Variants in KCNQ1 observed in about 807,000 individuals in gnomAD.
The protein encoded by KCNQ1 is potassium voltage-gated channel subfamily Q member 1.
A neutral mutation model predicts 72.4 loss-of-function variants in KCNQ1; 49 were observed. The ratio of observed to expected loss-of-function variants is 0.68; its 90% confidence interval spans 0.54 to 0.86. KCNQ1 has a LOEUF of 0.86. Ranked by LOEUF, KCNQ1 falls within the 40% of genes least tolerant of loss-of-function variation. KCNQ1 has a pLI of 0.00. For missense variants in KCNQ1, 790 were observed against 945.1 expected (o/e 0.84, Z 2.15); for synonymous variants, 450 against 412.6 (o/e 1.09, Z -1.10).
Position 2,772,629 on chromosome 11 carries a change from C to T in KCNQ1, c.1591-3331C>T, listed in dbSNP as rs1846621471. On this transcript the variant is annotated intron_variant, in intron 12 of 15. Coordinates refer to ENST00000155840, the MANE Select transcript of KCNQ1 (RefSeq NM_000218.3). The surrounding 1 kb of genome is among the most constrained non-coding windows in gnomAD (Gnocchi z 6.6). Reference sequence around the variant, plus strand: ...GAGCCTTCTTGGGCTATGCCCTACACCAGGTAAGGCTGTGGCTGAAGGTGC... The same window carrying T: ...GAGCCTTCTTGGGCTATGCCCTACATCAGGTAAGGCTGTGGCTGAAGGTGC... Among the ~76,000 whole-genome samples, 1 of 152,180 alleles carries T rather than the reference C, an allele frequency of 6.6e-6. No homozygotes were observed. The highest frequency in any genetic ancestry group is 1.5e-5 in the Non-Finnish European group (1 of 68,036).
At position 2,674,349 on chromosome 11, in the gene KCNQ1, C is replaced by T. The variant is rs1850248686; in HGVS notation, c.1514+12268C>T. Reference sequence around the variant, plus strand: ...ACCCTCTGGAAATCTGAATTCCATTCGCTCTTGGCAAAGAGCAGCTTCCTG... The same window carrying T: ...ACCCTCTGGAAATCTGAATTCCATTTGCTCTTGGCAAAGAGCAGCTTCCTG... On this transcript the variant is annotated intron_variant, in intron 11 of 15. Coordinates refer to ENST00000155840, the MANE Select transcript of KCNQ1 (RefSeq NM_000218.3). The surrounding 1 kb of genome is among the most constrained non-coding windows in gnomAD (Gnocchi z 5.9). The T allele has an allele frequency of 2.5e-6, 1 of 397,644 alleles. No homozygotes were observed. Among genetic ancestry groups the T allele is most frequent in the South Asian group, 1.3e-4 (1 of 7,764 alleles). The allele number at this position is 397,644 out of a possible 1,614,324, so 24.6% of individuals were successfully genotyped here.
At chr11:2,648,114 A>G (rs1218936165) in intron 10 of KCNQ1, 1 of 199,128 alleles carries the variant, frequency 5.0e-6, no homozygotes, top group South Asian at 2.1e-4. Context: ...CTGAGGCAGG[A>G]GGATTGCTTG....
At chr11:2,528,777 C>A (rs1377972112) in intron 2 of KCNQ1, among the ~76,000 whole-genome samples, 1 of 152,224 alleles carries the variant, frequency 6.6e-6, no homozygotes, top group African/African-American at 2.4e-5. Flanking sequence ...GACTCAGCTC[C>A]CGGCATGCAC....
In KCNQ1 at chr11:2,482,919, G is replaced by C. The variant is rs1846675488; in HGVS notation, c.386+37435G>C. 6.6e-6 allele frequency among the ~76,000 whole-genome samples: 1 copy of C among 152,198 alleles called. No homozygotes were observed. Among genetic ancestry groups the C allele is most frequent in the South Asian group, 2.1e-4 (1 of 4,824 alleles). ...GAAGTGACCTGCAAGAGAATGGAGA[G>C]AGTCATGGACCGGCATGGCGTGGTA... On this transcript the variant is annotated intron_variant, in intron 1 of 15. Coordinates refer to ENST00000155840, the MANE Select transcript of KCNQ1 (RefSeq NM_000218.3). The surrounding 1 kb of genome is among the most constrained non-coding windows in gnomAD (Gnocchi z 5.7).
chr11:2,523,005 C>A (rs1276552628), intron 1 of KCNQ1, among the ~76,000 whole-genome samples: 2 of 152,302 alleles, frequency 1.3e-5, no homozygotes, highest in Middle Eastern at 3.4e-3. Flanking sequence ...ATATCTGAGC[C>A]AGCTGTGTCT....
chr11:2,764,126 G>A lies in KCNQ1; in HGVS notation c.1515-4718G>A, dbSNP rs1236427726. ...CTTGCCTTGCTTCCTGTCTCAGGAG[G>A]AAAGCGTATCACATTTCACTATTAA... On this transcript the variant is annotated intron_variant, in intron 11 of 15. Transcript: ENST00000155840. The surrounding 1 kb of genome is among the most constrained non-coding windows in gnomAD (Gnocchi z 4.8). 2.6e-5 allele frequency among the ~76,000 whole-genome samples: 4 copies of A among 152,070 alleles called. No homozygotes were observed. In the East Asian group the frequency reaches 5.8e-4, roughly 22 times the overall value.
At chr11:2,681,422 T>C in intron 11 of KCNQ1, 1 of 398,486 alleles carries the variant, frequency 2.5e-6, no homozygotes, top group Middle Eastern at 6.3e-4. Context: ...GGGATCCCTG[T>C]GACAGCTCTA....
rs1191204672 is a variant in KCNQ1 at position 2,661,398 on chromosome 11, G to A, written c.1394-563G>A. ...TCATAATGTGAAGCCAGCTGTTGGAGGGACTCCTGTGCCTCATTGGGGGTA... is the reference window on the plus strand; with the variant it reads ...TCATAATGTGAAGCCAGCTGTTGGAAGGACTCCTGTGCCTCATTGGGGGTA... On this transcript the variant is annotated intron_variant, in intron 10 of 15. Transcript: ENST00000155840. The surrounding 1 kb of genome is among the most constrained non-coding windows in gnomAD (Gnocchi z 5.9). The A allele has an allele frequency of 2.4e-6, 1 of 409,892 alleles. No homozygotes were observed. The highest frequency in any genetic ancestry group is 3.5e-5 in the East Asian group (1 of 28,752). 25.4% of individuals were successfully genotyped at this position (409,892 alleles called of 1,614,324 possible). A position where few individuals can be genotyped will look rare whatever the true frequency, so the allele number is the denominator to read the frequency against.
Position 2,677,298 on chromosome 11 carries a change from T to C in KCNQ1, c.1514+15217T>C. 1 of 398,614 alleles carries C rather than the reference T, an allele frequency of 2.5e-6. No homozygotes were observed. Among genetic ancestry groups the C allele is most frequent in the Admixed American group, 4.4e-5 (1 of 22,740 alleles). 24.7% of individuals were successfully genotyped at this position (398,614 alleles called of 1,614,324 possible). On this transcript the variant is annotated intron_variant, in intron 11 of 15. Transcript: ENST00000155840. The surrounding 1 kb of genome is among the most constrained non-coding windows in gnomAD (Gnocchi z 4.5). ...GTAAATCTTGTCAAAATAGGAGATT[T>C]CATCAAGTTAAAGAAAATGATGTCA... is the stretch of plus-strand genomic sequence containing the variant.
chr11:2,694,850 A>G (rs1434411236), intron 11 of KCNQ1: 5 of 398,568 alleles, frequency 1.3e-5, no homozygotes, highest in African/African-American at 1.0e-4. Flanking sequence ...GGTCAGAGCA[A>G]AATTTCCTGT....
At position 2,682,925 on chromosome 11, in the gene KCNQ1, T is replaced by C. The variant is rs60837062; in HGVS notation, c.1514+20844T>C. The C allele has an allele frequency of 0.02, 7,992 of 398,566 alleles. 188 individuals are homozygous for C. The highest frequency in any genetic ancestry group is 0.063 in the South Asian group (491 of 7,844). The allele number at this position is 398,566 out of a possible 1,614,324, so 24.7% of individuals were successfully genotyped here. A position where few individuals can be genotyped will look rare whatever the true frequency, so the allele number is the denominator to read the frequency against. The stretch of plus-strand genomic sequence containing the variant: ...AAAATGGTGGCACCTGGAGAGGTGC[T>C]CAGGTCTGTGTGGAAGAAAGGACAG... On this transcript the variant is annotated intron_variant, in intron 11 of 15. Coordinates refer to ENST00000155840, the MANE Select transcript of KCNQ1 (RefSeq NM_000218.3). The surrounding 1 kb of genome is among the most constrained non-coding windows in gnomAD (Gnocchi z 5.8).
At chr11:2,469,873 C>T (rs968910069) in intron 1 of KCNQ1, among the ~76,000 whole-genome samples, 2 of 150,014 alleles carry the variant, frequency 1.3e-5, no homozygotes, top group South Asian at 4.2e-4. Context: ...AGGGTTTCAC[C>T]GTGGTCTCCA....
Position 2,781,074 on chromosome 11 carries a change from C to T in KCNQ1, c.1794+3037C>T, listed in dbSNP as rs1299684982. 2.6e-5 allele frequency among the ~76,000 whole-genome samples: 4 copies of T among 152,138 alleles called. No individual in the cohort carries two copies. Among genetic ancestry groups the T allele is most frequent in the Non-Finnish European group, 1.5e-5 (1 of 68,028 alleles). ...CAGCGAGTCTACTTCCTGCGGGCCT[C>T]CCTCCCCTGTCAAATGAGAGGGTTT... On this transcript the variant is annotated intron_variant, in intron 15 of 15. Transcript: ENST00000155840. The surrounding 1 kb of genome is among the most constrained non-coding windows in gnomAD (Gnocchi z 6.6).
chr11:2,773,003 C>A (rs187708372), intron 12 of KCNQ1, among the ~76,000 whole-genome samples: 28 of 152,336 alleles, frequency 1.8e-4, no homozygotes, highest in Admixed American at 9.1e-4. Flanking sequence ...CTGGCTGTGA[C>A]TCTGGCTCTG....
At chr11:2,778,920 C>T (rs537955852) in intron 15 of KCNQ1, among the ~76,000 whole-genome samples, 15 of 152,014 alleles carry the variant, frequency 9.9e-5, no homozygotes, top group Non-Finnish European at 1.5e-4. Flanking sequence ...CTGCCCCACC[C>T]GTCCTGGCCC....
chr11:2,573,732 C>T (rs565730961), intron 6 of KCNQ1, among the ~76,000 whole-genome samples: 3 of 152,332 alleles, frequency 2.0e-5, no homozygotes, highest in African/African-American at 7.2e-5. Flanking sequence ...CACCGAGCCA[C>T]CCAAAGCTCA....
rs916091873 is a variant in KCNQ1 at position 2,712,578 on chromosome 11, C to T, written c.1514+50497C>T. Among the ~76,000 whole-genome samples, 5 of 152,192 alleles carry T rather than the reference C, an allele frequency of 3.3e-5. No homozygotes were observed. In the South Asian group the frequency reaches 1.0e-3, roughly 31 times the overall value. The stretch of plus-strand genomic sequence containing the variant: ...GCATGCTGGCGGCCCAAATGTTAGA[C>T]ACTCTTCTCTCTTAGGTGGTTTGAG... On this transcript the variant is annotated intron_variant, in intron 11 of 15. Coordinates refer to ENST00000155840, the MANE Select transcript of KCNQ1 (RefSeq NM_000218.3). The surrounding 1 kb of genome is among the most constrained non-coding windows in gnomAD (Gnocchi z 6.4).
intron 15 of KCNQ1, among the ~76,000 whole-genome samples, chr11:2,825,927 C>T (rs1033978209): frequency 6.6e-6 from 1 of 152,204 alleles, no homozygotes; most frequent in Non-Finnish European, 1.5e-5. Flanking sequence ...CAGGGCCACC[C>T]GGAGCCCCTT....
At chr11:2,571,464 C>T (rs1289208714) in intron 4 of KCNQ1, 61 bp downstream of exon 4, 9 of 1,428,926 alleles carry the variant, frequency 6.3e-6, no homozygotes, top group Non-Finnish European at 8.8e-6. Context: ...CCCTCCTGAG[C>T]CGCGGGTGGT....
Sources: allele counts gnomAD v4.1 joint callset (sites outside exome capture counted in the v4.1 genomes callset), GRCh38; gene constraint gnomAD v4.1.1; non-coding constraint Gnocchi (gnomAD v3.1); transcripts MANE v1.5; gene names NCBI Gene and HGNC (gene_info 2026-07-23, HGNC 2026-07-21).